Variants in SLC71A2 observed in about 807,000 individuals in gnomAD.
SLC71A2 encodes the protein hippocampus abundant transcript-like 1.
chr9:94,459,209 C>G, the SLC71A2 span: 1 of 1,614,048 alleles, frequency 6.2e-7, no homozygotes, highest in Admixed American at 1.7e-5. Context: ...ATGTATAGTC[C>G]TTATGTCTTT....
the SLC71A2 span, among the ~76,000 whole-genome samples, chr9:94,404,067 G>T: frequency 6.6e-6 from 1 of 152,144 alleles, no homozygotes; most frequent in East Asian, 1.9e-4. Flanking sequence ...TGAGGATGCT[G>T]TAAGACTGTC....
chr9:94,387,506 A>G, the SLC71A2 span, among the ~76,000 whole-genome samples: 1 of 152,114 alleles, frequency 6.6e-6, no homozygotes, highest in East Asian at 1.9e-4. Flanking sequence ...ATGACTCATC[A>G]ATTCTCATGA....
chr9:94,429,332 A>G, the SLC71A2 span: 12 of 1,483,122 alleles, frequency 8.1e-6, no homozygotes, highest in Non-Finnish European at 1.0e-5. Flanking sequence ...TTTTAGTGGG[A>G]CTTTGGGAAA....
the SLC71A2 span, among the ~76,000 whole-genome samples, chr9:94,436,065 C>G: frequency 3.3e-5 from 5 of 152,352 alleles, no homozygotes; most frequent in South Asian, 2.1e-4. Context: ...TAATTCATCT[C>G]TAGATGACTT....
At chr9:94,453,540 C>A in the SLC71A2 span, among the ~76,000 whole-genome samples, 7 of 152,184 alleles carry the variant, frequency 4.6e-5, no homozygotes, top group South Asian at 2.1e-4. Flanking sequence ...ACTTACATCC[C>A]AATTCCAACT....
chr9:94,439,216 G>A, the SLC71A2 span, among the ~76,000 whole-genome samples: 2 of 151,846 alleles, frequency 1.3e-5, no homozygotes, highest in Non-Finnish European at 2.9e-5. Flanking sequence ...CACCATATTG[G>A]TGAGGCTTCC....
the SLC71A2 span, among the ~76,000 whole-genome samples, chr9:94,431,988 A>G: frequency 2.0e-5 from 3 of 152,160 alleles, no homozygotes; most frequent in Admixed American, 6.5e-5. Flanking sequence ...ACCACCCAGC[A>G]GAGAGGAGGC....
the SLC71A2 span, among the ~76,000 whole-genome samples, chr9:94,424,854 C>T: frequency 6.8e-6 from 1 of 146,876 alleles, no homozygotes; most frequent in African/African-American, 2.5e-5. Flanking sequence ...ATTCTCCTGC[C>T]CCGACCTCCT....
At chr9:94,429,938 C>G in the SLC71A2 span, among the ~76,000 whole-genome samples, 2 of 149,370 alleles carry the variant, frequency 1.3e-5, no homozygotes, top group Non-Finnish European at 3.0e-5. Context: ...TGGAGTCTCG[C>G]TCTGTCACCA....
At chr9:94,386,181 A>G in the SLC71A2 span, among the ~76,000 whole-genome samples, 1 of 151,914 alleles carries the variant, frequency 6.6e-6, no homozygotes, top group East Asian at 1.9e-4. Flanking sequence ...TTCCTGGGTT[A>G]AATTTATTTT....
the SLC71A2 span, among the ~76,000 whole-genome samples, chr9:94,419,768 A>G: frequency 6.6e-6 from 1 of 152,054 alleles, no homozygotes. Flanking sequence ...CTCACCTTGA[A>G]GGTTGTTTTT....
the SLC71A2 span, among the ~76,000 whole-genome samples, chr9:94,386,668 C>T: frequency 6.6e-6 from 1 of 152,078 alleles, no homozygotes; most frequent in Admixed American, 6.6e-5. Flanking sequence ...GAAAGTTGTC[C>T]TCCAGGCTTT....
At chr9:94,438,880 T>G in the SLC71A2 span, among the ~76,000 whole-genome samples, 1 of 152,202 alleles carries the variant, frequency 6.6e-6, no homozygotes. Flanking sequence ...TAGTTGACTT[T>G]GTAAATATAT....
chr9:94,438,574 C>T, the SLC71A2 span: 1 of 1,602,792 alleles, frequency 6.2e-7, no homozygotes, highest in Non-Finnish European at 8.5e-7. Flanking sequence ...TTTTGAGTCA[C>T]ATGTAAATTA....
At chr9:94,437,503 C>T in the SLC71A2 span, among the ~76,000 whole-genome samples, 1 of 152,206 alleles carries the variant, frequency 6.6e-6, no homozygotes, top group African/African-American at 2.4e-5. Context: ...CCCTTAGTTT[C>T]AACTGTAGTT....
chr9:94,438,296 G>C, the SLC71A2 span: 1 of 1,339,690 alleles, frequency 7.5e-7, no homozygotes, highest in Non-Finnish European at 1.0e-6. Context: ...ATTCTGTTTT[G>C]GGGGCAGTAC....
At chr9:94,452,658 CAT>C in the SLC71A2 span, among the ~76,000 whole-genome samples, 4,686 of 58,384 alleles carry the variant, frequency 0.08, 100 homozygotes, top group Non-Finnish European at 0.099. Context: ...CATATATATT[CAT>C]ATATATTCAT....
At chr9:94,382,506 C>T in the SLC71A2 span, among the ~76,000 whole-genome samples, 5 of 151,842 alleles carry the variant, frequency 3.3e-5, no homozygotes, top group Non-Finnish European at 5.9e-5. Flanking sequence ...CTCTCTAGGC[C>T]GTGGTCCATC....
chr9:94,407,543 T>TA, the SLC71A2 span, among the ~76,000 whole-genome samples: 1 of 152,158 alleles, frequency 6.6e-6, no homozygotes, highest in Admixed American at 6.6e-5. Context: ...CACGCCCGGC[T>TA]AATTTTTGTA....
Sources: gnomAD v4.1 joint callset for allele counts (sites outside exome capture counted in the v4.1 genomes callset) on GRCh38, gnomAD v4.1.1 for gene constraint, MANE v1.5 for transcripts, NCBI Gene and HGNC (gene_info 2026-07-23, HGNC 2026-07-21) for gene names.